RHOBTB3: variants seen among roughly 807,000 people sequenced by gnomAD.
The protein encoded by RHOBTB3 is rho-related BTB domain-containing protein 3.
Under a neutral mutation model 67.2 loss-of-function variants are expected in RHOBTB3, and 47 were observed. That is an observed-to-expected ratio of 0.70 (90% CI 0.55 to 0.89). RHOBTB3 has a LOEUF of 0.89. Ranked by LOEUF, RHOBTB3 falls within the 40% of genes least tolerant of loss-of-function variation. RHOBTB3 has a pLI of 0.00. For missense variants in RHOBTB3, 631 were observed against 750.0 expected (o/e 0.84, Z 1.85); for synonymous variants, 273 against 274.2 (o/e 1.00, Z 0.04).
rs147061650 is a variant in RHOBTB3, at chr5:95,750,720, C to T, written c.571-1519C>T. 2.7e-3 allele frequency among the ~76,000 whole-genome samples: 418 copies of T among 152,156 alleles called. 3 individuals are homozygous for T. The highest frequency in any genetic ancestry group is 9.5e-3 in the African/African-American group (395 of 41,510). On this transcript the variant is annotated intron_variant, in intron 4 of 11. Transcript: ENST00000379982. ...TGGACCACATTGCTGGTATATGCAC[C>T]CCTAGGCCTGCGGGGTGGCCAAAGG...
At chr5:95,735,743 TA>T (rs757353017) in intron 2 of RHOBTB3, among the ~76,000 whole-genome samples, 12 of 152,340 alleles carry the variant, frequency 7.9e-5, no homozygotes, top group Admixed American at 5.2e-4. Flanking sequence ...GTAGTGGAGT[TA>T]AGATACCTAA....
chr5:95,780,184 G>A (rs1746005364), intron 8 of RHOBTB3, 68 bp from the exon 9 acceptor site: 4 of 1,361,998 alleles, frequency 2.9e-6, no homozygotes, highest in South Asian at 2.6e-5. Flanking sequence ...CTAATTAGAA[G>A]GAAAATTGCT....
In RHOBTB3 at chr5:95,795,389, C is replaced by T. The variant is rs1427077218; in HGVS notation, c.*2215C>T. 9 of 152,086 alleles carry T rather than the reference C, an allele frequency of 5.9e-5. No individual in the cohort carries two copies. Among genetic ancestry groups the T allele is most frequent in the Non-Finnish European group, 4.4e-5 (3 of 68,024 alleles). 9.4% of individuals were successfully genotyped at this position (152,086 alleles called of 1,614,324 possible). ...GCCTTTTGTTTTTCATGAGCATATT[C>T]GCACCCCTATATGAATTACAGCATT... On this transcript the variant is annotated 3_prime_UTR_variant, in exon 12 of 12. Transcript: ENST00000379982.
upstream of RHOBTB3, among the ~76,000 whole-genome samples, chr5:95,730,540 T>C (rs1755191475): frequency 2.0e-5 from 3 of 152,238 alleles, no homozygotes; most frequent in South Asian, 6.2e-4. Context: ...TACGTGATTA[T>C]GTTTTCAGTT....
At chr5:95,737,738 G>A (rs138767540) in intron 3 of RHOBTB3, among the ~76,000 whole-genome samples, 46 of 152,262 alleles carry the variant, frequency 3.0e-4, no homozygotes, top group East Asian at 1.2e-3. Context: ...GAGGTATTGC[G>A]AAGTAAAGGA....
chr5:95,785,077 A>C lies in RHOBTB3; in HGVS notation c.1623+1114A>C, dbSNP rs565386508. ...ACTTTTATCTCCATCCACATTGCTA[A>C]AATGGAGCCACATGATGGGGCAAAT... is the stretch of plus-strand genomic sequence containing the variant. On this transcript the variant is annotated intron_variant, in intron 10 of 11. Coordinates refer to ENST00000379982, the MANE Select transcript of RHOBTB3 (RefSeq NM_014899.4). Among the ~76,000 whole-genome samples the C allele has an allele frequency of 9.6e-4, 146 of 152,340 alleles. 4 individuals are homozygous for C. In the South Asian group the frequency reaches 0.029, roughly 31 times the overall value.
chr5:95,771,525 TG>T, intron 8 of RHOBTB3, among the ~76,000 whole-genome samples: 1 of 152,208 alleles, frequency 6.6e-6, no homozygotes, highest in South Asian at 2.1e-4. Flanking sequence ...GAAAAACAAC[TG>T]GGAAAAAAGC....
At chr5:95,770,719 G>C (rs1368234001) in intron 8 of RHOBTB3, 3 of 431,278 alleles carry the variant, frequency 7.0e-6, no homozygotes, top group African/African-American at 6.1e-5. Flanking sequence ...CTAGAATAGG[G>C]CTTGACATTT....
At chr5:95,777,452 C>A (rs1157335077) in intron 8 of RHOBTB3, among the ~76,000 whole-genome samples, 2 of 152,110 alleles carry the variant, frequency 1.3e-5, no homozygotes, top group Non-Finnish European at 2.9e-5. Context: ...GAAAAAAATT[C>A]TTAAAATTGT....
chr5:95,777,981 A>T (rs1023080636), intron 8 of RHOBTB3, among the ~76,000 whole-genome samples: 1 of 152,132 alleles, frequency 6.6e-6, no homozygotes, highest in Non-Finnish European at 1.5e-5. Flanking sequence ...TTAGCCAGGC[A>T]TGGTAGCGCA....
intron 3 of RHOBTB3, among the ~76,000 whole-genome samples, chr5:95,743,621 C>A (rs78486362): frequency 2.0e-5 from 3 of 151,686 alleles, no homozygotes; most frequent in African/African-American, 7.3e-5. Flanking sequence ...TCCTGCCTCC[C>A]TCCCTGTCTT....
intron 6 of RHOBTB3, among the ~76,000 whole-genome samples, chr5:95,758,303 C>G (rs1745304959): frequency 6.6e-6 from 1 of 152,118 alleles, no homozygotes; most frequent in African/African-American, 2.4e-5. Context: ...AGTCATTTAC[C>G]TGTTGTAATT....
intron 2 of RHOBTB3, among the ~76,000 whole-genome samples, chr5:95,736,659 C>T (rs1229201159): frequency 6.6e-6 from 1 of 152,198 alleles, no homozygotes; most frequent in Admixed American, 6.5e-5. Flanking sequence ...TTTTATCTGA[C>T]TCTCAAGAAT....
upstream of RHOBTB3, among the ~76,000 whole-genome samples, chr5:95,727,487 A>AT (rs1312183467): frequency 6.6e-6 from 1 of 152,204 alleles, no homozygotes; most frequent in Non-Finnish European, 1.5e-5. Context: ...TTATTTAGGG[A>AT]TAAAAACATC....
intron 8 of RHOBTB3, among the ~76,000 whole-genome samples, chr5:95,777,391 A>G (rs1411757162): frequency 6.6e-6 from 1 of 152,268 alleles, no homozygotes; most frequent in Non-Finnish European, 1.5e-5. Flanking sequence ...TAAAGTGACT[A>G]GAAAACTTGG....
At chr5:95,783,035 A>T (rs1479243090) in intron 9 of RHOBTB3, among the ~76,000 whole-genome samples, 1 of 151,648 alleles carries the variant, frequency 6.6e-6, no homozygotes, top group East Asian at 1.9e-4. Context: ...GAATTAAAAA[A>T]AAATAGATTC....
intron 2 of RHOBTB3, among the ~76,000 whole-genome samples, chr5:95,733,272 A>T (rs537268480): frequency 6.6e-6 from 1 of 152,212 alleles, no homozygotes; most frequent in Non-Finnish European, 1.5e-5. Context: ...AGAAGTATTG[A>T]TGGAGAACTT....
chr5:95,763,720 T>A (rs1271005208), intron 7 of RHOBTB3, 100 bp downstream of exon 7: 2 of 647,496 alleles, frequency 3.1e-6, no homozygotes, highest in African/African-American at 3.7e-5. Flanking sequence ...AGTCAAATAC[T>A]GTATAAATGT....
rs1324063575 is a variant in RHOBTB3 at position 95,737,075 on chromosome 5, GGTAA to G, written c.415+4_415+7del. 7.8e-6 allele frequency: 12 copies of G among 1,547,216 alleles called. No individual in the cohort carries two copies. Among genetic ancestry groups the G allele is most frequent in the South Asian group, 3.4e-5 (3 of 87,830 alleles). ...TGCTGCTGTTGGTACCAGACAAAAT[GGTAA>G]GTATTTAATATTCTTTTTTGTAGTG... is the stretch of plus-strand genomic sequence containing the variant. On this transcript the variant is annotated splice_donor_variant and splice_donor_region_variant and intron_variant, in intron 3 of 11. Transcript: ENST00000379982. LOFTEE classifies it high-confidence loss of function.
Sources: allele counts gnomAD v4.1 joint callset (sites outside exome capture counted in the v4.1 genomes callset), GRCh38; gene constraint gnomAD v4.1.1; transcripts MANE v1.5; gene names NCBI Gene and HGNC (gene_info 2026-07-23, HGNC 2026-07-21).